PNMA1: variants seen among roughly 807,000 people sequenced by gnomAD.
The protein encoded by PNMA1 is PNMA family member 1, also known as paraneoplastic antigen Ma1.
In PNMA1, 21 loss-of-function variants were observed where a neutral mutation model predicts 26.1. That is an observed-to-expected ratio of 0.80 (90% CI 0.57 to 1.16). The LOEUF is 1.16. Among genes scored for constraint, PNMA1 ranks in the 50% most tolerant of loss-of-function variants. The probability of loss-of-function intolerance (pLI) is 0.00; values close to 1 mark genes in which losing one functional copy is unlikely to be tolerated. For missense variants in PNMA1, 435 were observed against 437.3 expected (o/e 0.99, Z 0.05); for synonymous variants, 189 against 177.3 (o/e 1.07, Z -0.52).
In PNMA1 at chr14:73,713,120, C is replaced by T. The variant is rs755272200; in HGVS notation, c.520G>A (p.Glu174Lys). The stretch of plus-strand genomic sequence containing the variant: ...TCCAGCCAGGGATCAAAGGTTTCCT[C>T]TCCAGGCCCTGGGATGTCCCTCCCC... ...FSGRDIPGPGEETFDPWLEHT... is the reference protein window; with the variant it reads ...FSGRDIPGPGKETFDPWLEHT... The change falls in exon 1 of 1, where the codon GAG (glutamate) becomes AAG (lysine). Residue 174 changes from glutamate (E) to lysine (K), a missense_variant. Coordinates refer to ENST00000316836, the MANE Select transcript of PNMA1 (RefSeq NM_006029.5). 1.2e-6 allele frequency: 2 copies of T among 1,612,578 alleles called. No homozygotes were observed. Among genetic ancestry groups the T allele is most frequent in the Non-Finnish European group, 1.7e-6 (2 of 1,179,098 alleles).
Position 73,713,807 on chromosome 14 carries a change from C to T in PNMA1, c.-168G>A. On this transcript the variant is annotated 5_prime_UTR_variant, in exon 1 of 1. In the 5' UTR this introduces an upstream ATG that the reference lacks. Coordinates refer to ENST00000316836, the MANE Select transcript of PNMA1 (RefSeq NM_006029.5). ...CTGATCTCGCCCTTCTCTGCCCCCA[C>T]AGTCAGTCCGTAGGTGCACTCGGAG... is the stretch of plus-strand genomic sequence containing the variant. 1 of 647,914 alleles carries T rather than the reference C, an allele frequency of 1.5e-6. No homozygotes were observed. Among genetic ancestry groups the T allele is most frequent in the African/African-American group, 1.8e-5 (1 of 55,116 alleles). The allele number at this position is 647,914 out of a possible 1,614,324, so 40.1% of individuals were successfully genotyped here. A position where few individuals can be genotyped will look rare whatever the true frequency, so the allele number is the denominator to read the frequency against.
At position 73,713,343 on chromosome 14, in the gene PNMA1, A is replaced by G. The variant is rs751741753; in HGVS notation, c.297T>C (p.Ala99=). The change falls in exon 1 of 1, where the codon GCT becomes GCC. Residue 99 remains alanine, a synonymous_variant. Transcript: ENST00000316836. ...KVLFKPPTSD[A]EFLERLHLFL... is the part of the protein sequence containing the mutation. Reference sequence around the variant, plus strand: ...AGAGGTGCAATCTTTCTAAAAATTCAGCATCAGAAGTTGGGGGCTTAAATA... The same window carrying G: ...AGAGGTGCAATCTTTCTAAAAATTCGGCATCAGAAGTTGGGGGCTTAAATA... The G allele has an allele frequency of 1.9e-6, 3 of 1,614,194 alleles. No homozygotes were observed. Among genetic ancestry groups the G allele is most frequent in the Non-Finnish European group, 1.7e-6 (2 of 1,180,052 alleles).
In PNMA1 at chr14:73,712,734, C is replaced by A. The variant is rs753384960; in HGVS notation, c.906G>T (p.Gly302=). ...TAAGCCACAGCTGCCTTCGGATGGC[C>A]CCGCTGTGGTTGGCCCCGGCAATGA... The part of the protein sequence containing the change: ...EQVIAGANHS[G]AIRRQLWLTG... The change falls in exon 1 of 1, where the codon GGG becomes GGT. Residue 302 remains glycine (G), a synonymous_variant. Transcript: ENST00000316836. 1 of 1,614,198 alleles carries A rather than the reference C, an allele frequency of 6.2e-7. No individual in the cohort carries two copies. The highest frequency in any genetic ancestry group is 8.5e-7 in the Non-Finnish European group (1 of 1,180,034).
At position 73,712,570 on chromosome 14, in the gene PNMA1, C is replaced by T; in HGVS notation, c.*8G>A. 6.4e-7 allele frequency: 1 copy of T among 1,568,116 alleles called. No individual in the cohort carries two copies. The highest frequency in any genetic ancestry group is 8.7e-7 in the Non-Finnish European group (1 of 1,154,714). On this transcript the variant is annotated 3_prime_UTR_variant, in exon 1 of 1. Transcript: ENST00000316836. The stretch of plus-strand genomic sequence containing the variant: ...CTAGGTCTGCACTAAAGCTGCCTTT[C>T]CTGGCACTCAGAAGTGCCCTTCCAG...
In PNMA1 at chr14:73,712,680, G is replaced by A; in HGVS notation, c.960C>T (p.Asn320=). Residue 320 remains asparagine (N), a synonymous_variant, in exon 1 of 1, where the codon AAC becomes AAT. Coordinates refer to ENST00000316836, the MANE Select transcript of PNMA1 (RefSeq NM_006029.5). ...LTGAGEGPAP[N]LFQLLVQIRE... The stretch of plus-strand genomic sequence containing the variant: ...GGATCTGCACCAGCAACTGAAAGAG[G>A]TTTGGGGCTGGCCCTTCCCCAGCCC... 1 of 1,613,892 alleles carries A rather than the reference G, an allele frequency of 6.2e-7. No homozygotes were observed. Among genetic ancestry groups the A allele is most frequent in the Non-Finnish European group, 8.5e-7 (1 of 1,179,880 alleles).
In PNMA1 at chr14:73,712,295, G is replaced by T. The variant is rs1409400664; in HGVS notation, c.*283C>A. Reference sequence around the variant, plus strand: ...TCGCGTGTTTTTCACAACTGATTATGATGTCCATGATGACAGCGTGCACTA... The same window carrying T: ...TCGCGTGTTTTTCACAACTGATTATTATGTCCATGATGACAGCGTGCACTA... On this transcript the variant is annotated 3_prime_UTR_variant, in exon 1 of 1. Transcript: ENST00000316836. 6 of 386,560 alleles carry T rather than the reference G, an allele frequency of 1.6e-5. No homozygotes were observed. Among genetic ancestry groups the T allele is most frequent in the Non-Finnish European group, 2.8e-5 (6 of 215,392 alleles). 23.9% of individuals were successfully genotyped at this position (386,560 alleles called of 1,614,324 possible). A position where few individuals can be genotyped will look rare whatever the true frequency, so the allele number is the denominator to read the frequency against.
rs1329247281 is a variant in PNMA1 at position 73,711,832 on chromosome 14, CTCAG to C, written c.*742_*745del. The C allele has an allele frequency of 6.6e-6, 1 of 152,164 alleles. No homozygotes were observed. Among genetic ancestry groups the C allele is most frequent in the Non-Finnish European group, 1.5e-5 (1 of 68,032 alleles). The allele number at this position is 152,164 out of a possible 1,614,324, so 9.4% of individuals were successfully genotyped here. A position where few individuals can be genotyped will look rare whatever the true frequency, so the allele number is the denominator to read the frequency against. ...TATATATAACTTCAAATTTAGAACA[CTCAG>C]TATGAACAAGAACTATTCTCTGACA... On this transcript the variant is annotated 3_prime_UTR_variant, in exon 1 of 1. Transcript: ENST00000316836.
At position 73,713,545 on chromosome 14, in the gene PNMA1, T is replaced by C; in HGVS notation, c.95A>G (p.Glu32Gly). Residue 32 changes from glutamate to glycine, a missense_variant, in exon 1 of 1, where the codon GAG becomes GGG. Transcript: ENST00000316836. Reference sequence around the variant, plus strand: ...CTGGAGGGTCTCTTCGATTTCAGCCTCATCACAGTTCACTGGGATGCCCCA... The same window carrying C: ...CTGGAGGGTCTCTTCGATTTCAGCCCCATCACAGTTCACTGGGATGCCCCA... Reference protein sequence around the residue: ...LVWGIPVNCDEAEIEETLQAA... With the variant: ...LVWGIPVNCDGAEIEETLQAA... 6.2e-7 allele frequency: 1 copy of C among 1,614,048 alleles called. No homozygotes were observed. The highest frequency in any genetic ancestry group is 8.5e-7 in the Non-Finnish European group (1 of 1,179,940).
Position 73,712,315 on chromosome 14 carries a change from G to C in PNMA1, c.*263C>G, listed in dbSNP as rs2052825155. The C allele has an allele frequency of 6.9e-6, 3 of 435,956 alleles. No homozygotes were observed. Among genetic ancestry groups the C allele is most frequent in the Non-Finnish European group, 1.2e-5 (3 of 245,738 alleles). The allele number at this position is 435,956 out of a possible 1,614,324, so 27.0% of individuals were successfully genotyped here. On this transcript the variant is annotated 3_prime_UTR_variant, in exon 1 of 1. Coordinates refer to ENST00000316836, the MANE Select transcript of PNMA1 (RefSeq NM_006029.5). ...ATTATGATGTCCATGATGACAGCGT[G>C]CACTAAGCGCTGTGTCCAACCAACC...
chr14:73,713,416 GC>G lies in PNMA1; in HGVS notation c.223del (p.Ala75ProfsTer28). 6.2e-7 allele frequency: 1 copy of G among 1,614,134 alleles called. No individual in the cohort carries two copies. The highest frequency in any genetic ancestry group is 8.5e-7 in the Non-Finnish European group (1 of 1,180,022). ...LLELTGAVDY[A>X]AIPREMPGKG... ...GCCCGGCATCTCCCTGGGGATCGCG[GC>G]GTAATCTACAGCGCCAGTGAGCTCT... On this transcript the variant is annotated frameshift_variant, in exon 1 of 1. Coordinates refer to ENST00000316836, the MANE Select transcript of PNMA1 (RefSeq NM_006029.5). LOFTEE classifies it high-confidence loss of function.
At position 73,713,851 on chromosome 14, in the gene PNMA1, A is replaced by C. The variant is rs2052843818; in HGVS notation, c.-212T>G. On this transcript the variant is annotated 5_prime_UTR_variant, in exon 1 of 1. Transcript: ENST00000316836. ...CTCGGAGCCGAGCTCGGGGACGCTGAGGCAGTCACGCGGCCGTCGCCATCT... is the reference window on the plus strand; with the variant it reads ...CTCGGAGCCGAGCTCGGGGACGCTGCGGCAGTCACGCGGCCGTCGCCATCT... 1 of 472,326 alleles carries C rather than the reference A, an allele frequency of 2.1e-6. No individual in the cohort carries two copies. Among genetic ancestry groups the C allele is most frequent in the Admixed American group, 3.7e-5 (1 of 27,128 alleles). The allele number at this position is 472,326 out of a possible 1,614,324, so 29.3% of individuals were successfully genotyped here.
In PNMA1 at chr14:73,713,092, T is replaced by A. The variant is rs766627039; in HGVS notation, c.548A>T (p.His183Leu). Residue 183 changes from histidine to leucine, a missense_variant, in exon 1 of 1, where the codon CAC becomes CTC. By Grantham distance (99) the His-to-Leu change is moderately conservative. Coordinates refer to ENST00000316836, the MANE Select transcript of PNMA1 (RefSeq NM_006029.5). ...GEETFDPWLE[H>L]TNEVLEEWQV... is the part of the protein sequence containing the mutation. The stretch of plus-strand genomic sequence containing the variant: ...CCACTCCTCTAGGACCTCATTAGTG[T>A]GCTCCAGCCAGGGATCAAAGGTTTC... 2 of 1,613,536 alleles carry A rather than the reference T, an allele frequency of 1.2e-6. No individual in the cohort carries two copies. The highest frequency in any genetic ancestry group is 1.7e-5 in the Admixed American group (1 of 59,922).
chr14:73,712,191 C>A lies in PNMA1; in HGVS notation c.*387G>T, dbSNP rs1224494192. The stretch of plus-strand genomic sequence containing the variant: ...TAACAGTGCATACTTTTACTGAACA[C>A]TTCCTGTGAGCCAGGCCTCGTAGTA... On this transcript the variant is annotated 3_prime_UTR_variant, in exon 1 of 1. Transcript: ENST00000316836. 2.1e-5 allele frequency: 4 copies of A among 187,984 alleles called. No homozygotes were observed. The highest frequency in any genetic ancestry group is 1.4e-4 in the East Asian group (1 of 7,158). The allele number at this position is 187,984 out of a possible 1,614,324, so 11.6% of individuals were successfully genotyped here. A position where few individuals can be genotyped will look rare whatever the true frequency, so the allele number is the denominator to read the frequency against.
chr14:73,712,996 C>A lies in PNMA1; in HGVS notation c.644G>T (p.Arg215Leu), dbSNP rs34413931. The change falls in exon 1 of 1, where the codon CGC (arginine) becomes CTC (leucine). Residue 215 changes from arginine to leucine, a missense_variant. Coordinates refer to ENST00000316836, the MANE Select transcript of PNMA1 (RefSeq NM_006029.5). ...SLRGPAADVI[R>L]ILKSNNPAIT... ...CGCGGGGTTGTTGGACTTAAGGATG[C>A]GAATAACATCAGCGGCGGGGCCTCT... 1.2e-6 allele frequency: 2 copies of A among 1,614,138 alleles called. No homozygotes were observed. The highest frequency in any genetic ancestry group is 8.5e-7 in the Non-Finnish European group (1 of 1,180,044).
In PNMA1 at chr14:73,713,462, T is replaced by A. The variant is rs1176485321; in HGVS notation, c.178A>T (p.Asn60Tyr). Residue 60 changes from asparagine (N) to tyrosine (Y), a missense_variant, in exon 1 of 1, where the codon AAT (asparagine) becomes TAT (tyrosine). Coordinates refer to ENST00000316836, the MANE Select transcript of PNMA1 (RefSeq NM_006029.5). Reference sequence around the variant, plus strand: ...AGCTCTAATAAGGCTGCTTTCGCATTTTCTTCCCTCCAGAACATTCTCCCA... The same window carrying A: ...AGCTCTAATAAGGCTGCTTTCGCATATTCTTCCCTCCAGAACATTCTCCCA... ...MLGRMFWREE[N>Y]AKAALLELTG... 1 of 1,614,058 alleles carries A rather than the reference T, an allele frequency of 6.2e-7. No individual in the cohort carries two copies. Among genetic ancestry groups the A allele is most frequent in the Non-Finnish European group, 8.5e-7 (1 of 1,180,038 alleles).
At position 73,713,822 on chromosome 14, in the gene PNMA1, T is replaced by G; in HGVS notation, c.-183A>C. ...TCTGCCCCCACAGTCAGTCCGTAGG[T>G]GCACTCGGAGCCGAGCTCGGGGACG... On this transcript the variant is annotated 5_prime_UTR_variant, in exon 1 of 1. Coordinates refer to ENST00000316836, the MANE Select transcript of PNMA1 (RefSeq NM_006029.5). 1.8e-6 allele frequency: 1 copy of G among 555,340 alleles called. No individual in the cohort carries two copies. The highest frequency in any genetic ancestry group is 3.2e-6 in the Non-Finnish European group (1 of 315,254). The allele number at this position is 555,340 out of a possible 1,614,324, so 34.4% of individuals were successfully genotyped here. A position where few individuals can be genotyped will look rare whatever the true frequency, so the allele number is the denominator to read the frequency against.
Position 73,713,868 on chromosome 14 carries a change from TC to T in PNMA1, c.-230del, listed in dbSNP as rs1430536154. 2.2e-6 allele frequency: 1 copy of T among 448,672 alleles called. No individual in the cohort carries two copies. Among genetic ancestry groups the T allele is most frequent in the Non-Finnish European group, 4.0e-6 (1 of 250,982 alleles). The allele number at this position is 448,672 out of a possible 1,614,324, so 27.8% of individuals were successfully genotyped here. ...GGACGCTGAGGCAGTCACGCGGCCG[TC>T]GCCATCTTGCGTCTGGGTCTGGGTC... On this transcript the variant is annotated 5_prime_UTR_variant, in exon 1 of 1. An upstream open reading frame in the 5' UTR loses its in-frame stop. Coordinates refer to ENST00000316836, the MANE Select transcript of PNMA1 (RefSeq NM_006029.5).
Position 73,712,679 on chromosome 14 carries a change from G to A in PNMA1, c.961C>T (p.Leu321Phe). ...CGGATCTGCACCAGCAACTGAAAGA[G>A]GTTTGGGGCTGGCCCTTCCCCAGCC... is the stretch of plus-strand genomic sequence containing the variant. ...TGAGEGPAPN[L>F]FQLLVQIREE... Residue 321 changes from leucine (L) to phenylalanine (F), a missense_variant, in exon 1 of 1, where the codon CTC (leucine) becomes TTC (phenylalanine). Coordinates refer to ENST00000316836, the MANE Select transcript of PNMA1 (RefSeq NM_006029.5). The A allele has an allele frequency of 6.2e-7, 1 of 1,613,956 alleles. No homozygotes were observed. The highest frequency in any genetic ancestry group is 8.5e-7 in the Non-Finnish European group (1 of 1,179,906).
Position 73,713,560 on chromosome 14 carries a change from G to A in PNMA1, c.80C>T (p.Pro27Leu). The change falls in exon 1 of 1, where the codon CCA (proline) becomes CTA (leucine). Residue 27 changes from proline (P) to leucine (L), a missense_variant. Transcript: ENST00000316836. Reference protein sequence around the residue: ...SQRALLVWGIPVNCDEAEIEE... With the variant: ...SQRALLVWGILVNCDEAEIEE... ...GATTTCAGCCTCATCACAGTTCACT[G>A]GGATGCCCCAGACTAACAGAGCTCT... 1 of 1,614,132 alleles carries A rather than the reference G, an allele frequency of 6.2e-7. No individual in the cohort carries two copies. Among genetic ancestry groups the A allele is most frequent in the Non-Finnish European group, 8.5e-7 (1 of 1,180,036 alleles).
Sources: gnomAD v4.1 joint callset for allele counts on GRCh38, gnomAD v4.1.1 for gene constraint, MANE v1.5 for transcripts, NCBI Gene and HGNC (gene_info 2026-07-23, HGNC 2026-07-21) for gene names.